Variants in TPD52L1 observed in about 807,000 individuals in gnomAD.
The protein encoded by TPD52L1 is TPD52 like 1.
In TPD52L1, 18 loss-of-function variants were observed where a neutral mutation model predicts 28.7. The observed-to-expected ratio is 0.63, with a 90% CI of 0.43 to 0.93. The LOEUF is 0.93. Ranked by LOEUF, TPD52L1 falls within the 40% of genes least tolerant of loss-of-function variation. The pLI, the probability that TPD52L1 is intolerant of heterozygous loss-of-function variation, is 0.00. For synonymous variants in TPD52L1, 75 were observed against 88.8 expected (o/e 0.84, Z 0.88); for missense variants, 203 against 254.8 (o/e 0.80, Z 1.39).
chr6:125,189,559 G>T (rs547237184), intron 1 of TPD52L1, among the ~76,000 whole-genome samples: 1 of 152,098 alleles, frequency 6.6e-6, no homozygotes, highest in Non-Finnish European at 1.5e-5. Context: ...GAAAACAAAG[G>T]CTTTTCTATC....
At chr6:125,253,924 T>C in intron 5 of TPD52L1, 169 bp downstream of exon 5, 1 of 783,366 alleles carries the variant, frequency 1.3e-6, no homozygotes, top group South Asian at 1.3e-5. Flanking sequence ...GCTTGGGCTT[T>C]TGACCAGACA....
At chr6:125,161,313 C>T (rs900463054) in intron 1 of TPD52L1, among the ~76,000 whole-genome samples, 1 of 152,216 alleles carries the variant, frequency 6.6e-6, no homozygotes, top group African/African-American at 2.4e-5. Flanking sequence ...CTGGTTTGAT[C>T]TATCCAGACC....
intron 3 of TPD52L1, 76 bp downstream of exon 3, chr6:125,229,342 C>A: frequency 7.1e-7 from 1 of 1,415,276 alleles, no homozygotes; most frequent in Non-Finnish European, 9.4e-7. Context: ...TTTCATTTTT[C>A]CTACAAGGCT....
chr6:125,248,549 G>T (rs778931330), intron 4 of TPD52L1, 166 bp downstream of exon 4: 57 of 596,534 alleles, frequency 9.6e-5, no homozygotes, highest in Non-Finnish European at 1.5e-4. Context: ...TTTCACACTG[G>T]GACATTTTCT....
intron 3 of TPD52L1, among the ~76,000 whole-genome samples, chr6:125,243,626 T>C (rs1224327333): frequency 6.6e-6 from 1 of 152,116 alleles, no homozygotes; most frequent in African/African-American, 2.4e-5. Flanking sequence ...CCTAAGCAAG[T>C]CTTTCATTTC....
At chr6:125,225,020 C>A (rs1311095247) in intron 2 of TPD52L1, among the ~76,000 whole-genome samples, 1 of 152,186 alleles carries the variant, frequency 6.6e-6, no homozygotes, top group Admixed American at 6.6e-5. Context: ...CACTTCCCAG[C>A]CTCTGGCAGC....
chr6:125,218,638 A>T (rs1795035465), intron 1 of TPD52L1, among the ~76,000 whole-genome samples: 1 of 152,148 alleles, frequency 6.6e-6, no homozygotes, highest in Admixed American at 6.5e-5. Context: ...TTTGTGTCTT[A>T]AGAAGTCCCT....
chr6:125,178,658 A>AATATATATATAT (rs766185303), intron 1 of TPD52L1, among the ~76,000 whole-genome samples: 10 of 147,986 alleles, frequency 6.8e-5, no homozygotes, highest in African/African-American at 2.3e-4. Flanking sequence ...AACAAAACAA[A>AATATATATATAT]ATATATATAT....
intron 1 of TPD52L1, among the ~76,000 whole-genome samples, chr6:125,210,193 T>G (rs1794404265): frequency 6.6e-6 from 1 of 152,194 alleles, no homozygotes; most frequent in Non-Finnish European, 1.5e-5. Context: ...TGTATAGCAC[T>G]TACTAGATTC....
At chr6:125,198,984 T>G (rs944251342) in intron 1 of TPD52L1, among the ~76,000 whole-genome samples, 5 of 152,354 alleles carry the variant, frequency 3.3e-5, no homozygotes, top group Admixed American at 2.6e-4. Flanking sequence ...GAGATGAGTT[T>G]AGCTGATTTC....
chr6:125,184,710 T>C (rs941533957), intron 1 of TPD52L1, among the ~76,000 whole-genome samples: 8 of 151,864 alleles, frequency 5.3e-5, no homozygotes, highest in African/African-American at 1.9e-4. Context: ...ACTTATAGAA[T>C]TGAAAACAAT....
At chr6:125,241,065 C>T (rs1000630629) in intron 3 of TPD52L1, among the ~76,000 whole-genome samples, 2 of 152,010 alleles carry the variant, frequency 1.3e-5, no homozygotes, top group African/African-American at 4.8e-5. Flanking sequence ...AATAACTTTT[C>T]TGTGTCTATT....
chr6:125,234,539 A>G (rs1008365753), intron 3 of TPD52L1: 1 of 152,212 alleles, frequency 6.6e-6, no homozygotes, highest in Non-Finnish European at 1.5e-5. Context: ...TAAGGAAAAC[A>G]TATTGTTCCT....
chr6:125,262,627 TAA>T, intron 6 of TPD52L1: 1 of 583,766 alleles, frequency 1.7e-6, no homozygotes, highest in Non-Finnish European at 2.8e-6. Flanking sequence ...TGTGCAAAAT[TAA>T]AGTTTGGAAT....
intron 1 of TPD52L1, among the ~76,000 whole-genome samples, chr6:125,195,070 T>C (rs1456602940): frequency 1.3e-5 from 2 of 152,208 alleles, no homozygotes; most frequent in Non-Finnish European, 2.9e-5. Context: ...ATTGCAGCAA[T>C]TTGATTGGTT....
At chr6:125,169,018 T>G (rs1371689955) in intron 1 of TPD52L1, among the ~76,000 whole-genome samples, 1 of 152,060 alleles carries the variant, frequency 6.6e-6, no homozygotes, top group Non-Finnish European at 1.5e-5. Context: ...CCCCTTCCTC[T>G]CTCTACCCCT....
intron 1 of TPD52L1, among the ~76,000 whole-genome samples, chr6:125,185,235 G>A (rs900380985): frequency 7.2e-5 from 11 of 152,284 alleles, no homozygotes; most frequent in African/African-American, 2.6e-4. Context: ...TTAATGAGTA[G>A]ATAGTAGATA....
chr6:125,167,180 C>T (rs1790970415), intron 1 of TPD52L1, among the ~76,000 whole-genome samples: 1 of 151,976 alleles, frequency 6.6e-6, no homozygotes, highest in African/African-American at 2.4e-5. Flanking sequence ...GGGAGGGTGA[C>T]TTGAGCTTAG....
intron 1 of TPD52L1, among the ~76,000 whole-genome samples, chr6:125,209,941 T>C (rs991054812): frequency 1.3e-4 from 20 of 152,186 alleles, no homozygotes; most frequent in African/African-American, 4.8e-4. Context: ...ATTGAAGACA[T>C]AGAGATGAAA....
Sources: gnomAD v4.1 joint callset for allele counts (sites outside exome capture counted in the v4.1 genomes callset) on GRCh38, gnomAD v4.1.1 for gene constraint, MANE v1.5 for transcripts, NCBI Gene and HGNC (gene_info 2026-07-23, HGNC 2026-07-21) for gene names.